The following AFAP1 variants were observed in gnomAD, a reference collection of about 807,000 sequenced individuals.
AFAP1 encodes the protein actin filament associated protein 1.
AFAP1 carries 75 observed loss-of-function variants against 93.9 expected under a neutral mutation model. The ratio of observed to expected loss-of-function variants is 0.80; its 90% CI spans 0.66 to 0.97. The LOEUF is 0.97. Ranked by LOEUF, AFAP1 falls within the 50% of genes least tolerant of loss-of-function variation. The pLI is 0.00. For synonymous variants in AFAP1, 517 were observed against 430.7 expected (o/e 1.20, Z -2.48); for missense variants, 1,201 against 1,050.8 (o/e 1.14, Z -1.98).
chr4:7,804,976 G>A (rs902881505), intron 9 of AFAP1, among the ~76,000 whole-genome samples: 9 of 152,106 alleles, frequency 5.9e-5, no homozygotes, highest in Non-Finnish European at 7.4e-5. Context: ...GTGTGTCCTC[G>A]ACGAGGCCAG....
chr4:7,868,483 G>C, intron 3 of AFAP1, 139 bp downstream of exon 3: 2 of 672,366 alleles, frequency 3.0e-6, no homozygotes, highest in Non-Finnish European at 4.8e-6. Context: ...CTCAGCCCTA[G>C]AAATATACTC....
At chr4:7,817,598 CAAACAAAAAGACA>C (rs1220144397) in intron 7 of AFAP1, among the ~76,000 whole-genome samples, 1 of 149,812 alleles carries the variant, frequency 6.7e-6, no homozygotes, top group Admixed American at 6.6e-5. Context: ...TCTCAGAAAA[CAAACAAAAAGACA>C]AAACAAAAGG....
Position 7,868,703 on chromosome 4 carries a change from G to C in AFAP1, c.144C>G (p.Asp48Glu), listed in dbSNP as rs779060767. The change falls in exon 3 of 18, where the codon GAC becomes GAG. Residue 48 changes from aspartate (D) to glutamate (E), a missense_variant. Physicochemically the swap from Asp to Glu is conservative, Grantham distance 45. Transcript: ENST00000420658. ...TAGCGGTCTCCTGCTTCTGAGCATG[G>C]TCCTTCACATCAAAACCTGTAAGAA... is the stretch of plus-strand genomic sequence containing the variant. ...IQSSKGFDVK[D>E]HAQKQETANS... is the part of the protein sequence containing the mutation. 13 of 1,613,322 alleles carry C rather than the reference G, an allele frequency of 8.1e-6. No individual in the cohort carries two copies. Among genetic ancestry groups the C allele is most frequent in the Non-Finnish European group, 1.0e-5 (12 of 1,179,940 alleles).
At chr4:7,929,887 A>G (rs189001492) in intron 1 of AFAP1, among the ~76,000 whole-genome samples, 1 of 152,354 alleles carries the variant, frequency 6.6e-6, no homozygotes, top group African/African-American at 2.4e-5. Context: ...CAGGACCGTT[A>G]TAATAGCTTC....
Position 7,931,546 on chromosome 4 carries a change from A to ATTT in AFAP1, c.-3+8107_-3+8109dup, listed in dbSNP as rs376570405. On this transcript the variant is annotated intron_variant, in intron 1 of 17. Coordinates refer to ENST00000420658, the MANE Select transcript of AFAP1 (RefSeq NM_001134647.2). ...ACAGGTGTGCACCACCACGCCCAGC[A>ATTT]TTTTTTTTTTTTTTTGGTAGAGGTG... 7.3e-3 allele frequency among the ~76,000 whole-genome samples: 1,009 copies of ATTT among 138,096 alleles called. 11 individuals are homozygous for ATTT. Among genetic ancestry groups the ATTT allele is most frequent in the African/African-American group, 0.024 (899 of 37,538 alleles). 90.6% of individuals were successfully genotyped at this position (138,096 alleles called of 152,430 possible). A position where few individuals can be genotyped will look rare whatever the true frequency, so the allele number is the denominator to read the frequency against.
At chr4:7,874,504 C>A (rs983769933) in intron 1 of AFAP1, among the ~76,000 whole-genome samples, 1 of 142,170 alleles carries the variant, frequency 7.0e-6, no homozygotes, top group African/African-American at 2.6e-5. Flanking sequence ...GCTGGGACTA[C>A]AGGCACCTAC....
intron 6 of AFAP1, among the ~76,000 whole-genome samples, chr4:7,821,534 C>A (rs902371331): frequency 1.3e-5 from 2 of 152,120 alleles, no homozygotes; most frequent in South Asian, 4.1e-4. Flanking sequence ...ACTGTGATCA[C>A]GGGGGACGTG....
chr4:7,851,537 C>T (rs940421443), intron 4 of AFAP1, among the ~76,000 whole-genome samples: 1 of 152,214 alleles, frequency 6.6e-6, no homozygotes, highest in Non-Finnish European at 1.5e-5. Flanking sequence ...AAACAGACCT[C>T]AGCAGAAGAG....
At chr4:7,853,836 C>T (rs999696094) in intron 4 of AFAP1, among the ~76,000 whole-genome samples, 16 of 152,190 alleles carry the variant, frequency 1.1e-4, no homozygotes, top group Admixed American at 7.2e-4. Context: ...AGTCCCACGG[C>T]AGACGTGTGA....
intron 5 of AFAP1, among the ~76,000 whole-genome samples, chr4:7,840,714 C>T (rs1712908964): frequency 6.6e-6 from 1 of 152,114 alleles, no homozygotes; most frequent in Non-Finnish European, 1.5e-5. Flanking sequence ...AAAAAAATAC[C>T]TCAACTAACC....
chr4:7,818,071 G>T (rs1720643668), intron 7 of AFAP1, among the ~76,000 whole-genome samples: 1 of 152,166 alleles, frequency 6.6e-6, no homozygotes, highest in Non-Finnish European at 1.5e-5. Flanking sequence ...ATCTGGGGAT[G>T]AGATTAACAT....
intron 1 of AFAP1, among the ~76,000 whole-genome samples, chr4:7,915,896 T>G (rs988997690): frequency 2.6e-5 from 4 of 152,220 alleles, no homozygotes; most frequent in Non-Finnish European, 2.9e-5. Flanking sequence ...CCAAAATAAT[T>G]ACTTAATTTT....
At chr4:7,850,620 A>G (rs1044650248) in intron 4 of AFAP1, among the ~76,000 whole-genome samples, 1 of 152,238 alleles carries the variant, frequency 6.6e-6, no homozygotes, top group South Asian at 2.1e-4. Flanking sequence ...GAAGGAGAGA[A>G]GGAAACAGCA....
chr4:7,924,799 C>G (rs111820793), intron 1 of AFAP1, among the ~76,000 whole-genome samples: 3,082 of 152,236 alleles, frequency 0.02, 109 homozygotes, highest in African/African-American at 0.07. Context: ...AAGCCAGACT[C>G]TTCTCTCTCG....
chr4:7,884,638 A>T (rs1718040615), intron 1 of AFAP1, among the ~76,000 whole-genome samples: 1 of 152,238 alleles, frequency 6.6e-6, no homozygotes, highest in South Asian at 2.1e-4. Context: ...CTATTTGGGA[A>T]AAAGAAAAGA....
At chr4:7,900,959 T>C (rs1457671344) in intron 1 of AFAP1, among the ~76,000 whole-genome samples, 2 of 152,202 alleles carry the variant, frequency 1.3e-5, no homozygotes, top group Admixed American at 6.5e-5. Context: ...TCTATGTTCA[T>C]CAAAAAACAG....
rs2149251270 is a variant in AFAP1, at chr4:7,939,213, T to G, written c.-3+443A>C. The G allele has an allele frequency of 4.4e-6, 1 of 227,044 alleles. No individual in the cohort carries two copies. Among genetic ancestry groups the G allele is most frequent in the South Asian group, 4.2e-5 (1 of 23,908 alleles). The allele number at this position is 227,044 out of a possible 1,614,324, so 14.1% of individuals were successfully genotyped here. Reference sequence around the variant, plus strand: ...CCATCCAGAGTCACGGACCCCCTCGTCCGAGGGTCCGCGCAGTCCCCTCGG... The same window carrying G: ...CCATCCAGAGTCACGGACCCCCTCGGCCGAGGGTCCGCGCAGTCCCCTCGG... On this transcript the variant is annotated intron_variant, in intron 1 of 17. Coordinates refer to ENST00000420658, the MANE Select transcript of AFAP1 (RefSeq NM_001134647.2). This position sits in a 1 kb window ranked among gnomAD's most constrained non-coding sequence, Gnocchi z 5.6.
chr4:7,916,356 C>A (rs1328657080), intron 1 of AFAP1, among the ~76,000 whole-genome samples: 1 of 152,180 alleles, frequency 6.6e-6, no homozygotes, highest in Non-Finnish European at 1.5e-5. Flanking sequence ...ATCCCAAAGG[C>A]AGGGACCTCT....
intron 1 of AFAP1, among the ~76,000 whole-genome samples, chr4:7,936,094 A>T: frequency 6.6e-6 from 1 of 152,336 alleles, no homozygotes; most frequent in South Asian, 2.1e-4. Flanking sequence ...AAATCAAAAT[A>T]CAGGCAAAAT....
Sources: gnomAD v4.1 joint callset for allele counts (sites outside exome capture counted in the v4.1 genomes callset) on GRCh38, gnomAD v4.1.1 for gene constraint, Gnocchi (gnomAD v3.1) non-coding constraint, MANE v1.5 for transcripts, NCBI Gene and HGNC (gene_info 2026-07-23, HGNC 2026-07-21) for gene names.